The following JCAD variants were observed in gnomAD, a reference collection of about 807,000 sequenced individuals.
JCAD encodes junctional cadherin 5-associated protein.
In JCAD, 40 loss-of-function variants were observed where a neutral mutation model predicts 98.0. The observed-to-expected ratio is 0.41, with a 90% CI of 0.32 to 0.53. The LOEUF (loss-of-function observed/expected upper bound fraction) is 0.53, where lower values mean the gene tolerates loss of function less well. JCAD is among the 20% of genes least tolerant of loss of function. The pLI, the probability that JCAD is intolerant of heterozygous loss-of-function variation, is 0.31. For missense variants in JCAD, 1,705 were observed against 1,738.1 expected, an observed-to-expected ratio of 0.98 and a Z score of 0.34; for synonymous variants, 691 against 682.3, an observed-to-expected ratio of 1.01 and a Z score of -0.20.
intron 1 of JCAD, among the ~76,000 whole-genome samples, chr10:30,048,573 T>C: frequency 7.6e-6 from 1 of 131,676 alleles, no homozygotes; most frequent in Middle Eastern, 3.5e-3. Flanking sequence ...ATGAAAGTCT[T>C]TTTTTTTTTG....
intron 2 of JCAD, among the ~76,000 whole-genome samples, 185 bp downstream of exon 2, chr10:30,047,347 C>T (rs1455927067): frequency 1.3e-5 from 2 of 152,182 alleles, no homozygotes; most frequent in Non-Finnish European, 2.9e-5. Flanking sequence ...CCAGCCTGGA[C>T]GACAGAGCAA....
intron 1 of JCAD, among the ~76,000 whole-genome samples, chr10:30,089,153 A>T (rs973318992): frequency 2.0e-5 from 3 of 152,064 alleles, no homozygotes; most frequent in African/African-American, 7.2e-5. Context: ...CTGGGGGTGG[A>T]GGCTGTACCA....
intron 1 of JCAD, among the ~76,000 whole-genome samples, chr10:30,082,020 G>A (rs987214143): frequency 1.3e-5 from 2 of 152,154 alleles, no homozygotes; most frequent in Admixed American, 6.5e-5. Flanking sequence ...CTCATTTGCT[G>A]ATATTTAAAC....
At chr10:30,084,820 TC>T (rs1838142099) in intron 1 of JCAD, among the ~76,000 whole-genome samples, 1 of 151,912 alleles carries the variant, frequency 6.6e-6, no homozygotes, top group South Asian at 2.1e-4. Context: ...TATCTATCTA[TC>T]TATCTATCTG....
chr10:30,055,856 A>G (rs927467229), intron 1 of JCAD, among the ~76,000 whole-genome samples: 1 of 152,222 alleles, frequency 6.6e-6, no homozygotes, highest in African/African-American at 2.4e-5. Context: ...AGTCCCCAAC[A>G]TTATGCACTG....
rs947705495 is a variant in JCAD, at chr10:30,028,597, T to C, written c.1551A>G (p.Arg517=). Residue 517 remains arginine (R), a synonymous_variant, in exon 3 of 4, where the codon AGA becomes AGG. Coordinates refer to ENST00000375377, the MANE Select transcript of JCAD (RefSeq NM_020848.4). ...DGENSGLPNQ[R]DRCVARGQWP... ...ACTGTCCCCTTGCCACACAGCGGTC[T>C]CTCTGGTTGGGGAGGCCACTGTTTT... is the stretch of plus-strand genomic sequence containing the variant. 2.5e-6 allele frequency: 4 copies of C among 1,613,456 alleles called. No homozygotes were observed. The highest frequency in any genetic ancestry group is 3.4e-6 in the Non-Finnish European group (4 of 1,179,696).
chr10:30,065,966 C>A (rs1363011709), intron 2 of JCAD, among the ~76,000 whole-genome samples: 1 of 152,154 alleles, frequency 6.6e-6, no homozygotes, highest in Admixed American at 6.5e-5. Context: ...CCTTTGAGAT[C>A]CTGGAATGTG....
intron 1 of JCAD, among the ~76,000 whole-genome samples, chr10:30,093,750 C>T (rs1479032847): frequency 1.3e-5 from 2 of 152,216 alleles, no homozygotes; most frequent in African/African-American, 4.8e-5. Flanking sequence ...CAAGTATTTG[C>T]AGATCCAAGT....
upstream of JCAD, among the ~76,000 whole-genome samples, chr10:30,063,901 G>A (rs1009094388): frequency 9.2e-5 from 14 of 151,906 alleles, no homozygotes; most frequent in African/African-American, 3.4e-4. Flanking sequence ...TCCGCGTCAG[G>A]GTTCATGCAA....
chr10:30,081,800 A>C (rs1425807097), intron 1 of JCAD, among the ~76,000 whole-genome samples: 2 of 152,198 alleles, frequency 1.3e-5, no homozygotes, highest in African/African-American at 4.8e-5. Flanking sequence ...CCTAGAAAAG[A>C]AAACTGTGTC....
intron 3 of JCAD, among the ~76,000 whole-genome samples, chr10:30,018,186 C>T (rs547154031): frequency 5.3e-5 from 8 of 152,134 alleles, no homozygotes; most frequent in African/African-American, 9.7e-5. Flanking sequence ...TCCTGTTCAC[C>T]GTGGAATATA....
At chr10:30,019,531 C>T (rs539067382) in intron 3 of JCAD, among the ~76,000 whole-genome samples, 25 of 143,570 alleles carry the variant, frequency 1.7e-4, no homozygotes, top group Admixed American at 1.5e-3. Flanking sequence ...TGCATGATCT[C>T]ACCTATATGT....
At chr10:30,038,699 A>AG (rs1217672069) in intron 2 of JCAD, among the ~76,000 whole-genome samples, 2 of 146,464 alleles carry the variant, frequency 1.4e-5, no homozygotes, top group African/African-American at 2.7e-5. Context: ...AAAAAAAAAA[A>AG]AAAAAAGAAA....
intron 1 of JCAD, among the ~76,000 whole-genome samples, chr10:30,088,033 G>A (rs1838194112): frequency 1.3e-5 from 2 of 152,220 alleles, no homozygotes; most frequent in Admixed American, 1.3e-4. Context: ...TAGAGACAGG[G>A]TTTCACTGTG....
intron 1 of JCAD, among the ~76,000 whole-genome samples, chr10:30,100,649 G>T (rs919182933): frequency 3.3e-5 from 5 of 152,184 alleles, no homozygotes; most frequent in Non-Finnish European, 7.3e-5. Context: ...CTCCCAAAGT[G>T]CTGGGATTAC....
chr10:30,080,125 T>G (rs984267277), intron 1 of JCAD, among the ~76,000 whole-genome samples: 1 of 152,184 alleles, frequency 6.6e-6, no homozygotes, highest in Admixed American at 6.5e-5. Context: ...TTTTGTTGAA[T>G]AGTCAGTGAG....
rs770068935 is a variant in JCAD at position 30,026,636 on chromosome 10, T to C, written c.3512A>G (p.Gln1171Arg). Residue 1171 changes from glutamine (Q) to arginine (R), a missense_variant, in exon 3 of 4, where the codon CAG (glutamine) becomes CGG (arginine). Around this residue, in one of 3 missense-constraint regions of JCAD, gnomAD observed 1,278 missense variants for 1,243.1 expected, o/e 1.03. Transcript: ENST00000375377. Reference sequence around the variant, plus strand: ...GTCCACATCTGAGTGCTCAAAAGCCTGAGGAGCCCGCCTGGCACTGTCCCT... The same window carrying C: ...GTCCACATCTGAGTGCTCAAAAGCCCGAGGAGCCCGCCTGGCACTGTCCCT... ...GDRDSARRAP[Q>R]AFEHSDVDGV... 10 of 1,613,210 alleles carry C rather than the reference T, an allele frequency of 6.2e-6. No individual in the cohort carries two copies. In the South Asian group the frequency reaches 8.8e-5, roughly 14 times the overall value.
At chr10:30,092,125 T>TATATA (rs1427852641) in intron 1 of JCAD, among the ~76,000 whole-genome samples, 2 of 104,928 alleles carry the variant, frequency 1.9e-5, no homozygotes, top group Non-Finnish European at 3.5e-5. Flanking sequence ...TATATATATA[T>TATATA]AAAAAACATT....
At position 30,026,829 on chromosome 10, in the gene JCAD, C is replaced by T. The variant is rs1480456735; in HGVS notation, c.3319G>A (p.Gly1107Arg). The T allele has an allele frequency of 6.2e-7, 1 of 1,613,910 alleles. No homozygotes were observed. Among genetic ancestry groups the T allele is most frequent in the South Asian group, 1.1e-5 (1 of 91,088 alleles). ...ESLLPGIRRA[G>R]QNQPAEPDAS... ...TCGGGCTCAGCAGGCTGGTTCTGTC[C>T]CGCTCTCCGGATGCCCGGCAGGAGG... Residue 1107 changes from glycine to arginine, a missense_variant, in exon 3 of 4, where the codon GGA becomes AGA. Physicochemically the swap from Gly to Arg is moderately radical, Grantham distance 125. Coordinates refer to ENST00000375377, the MANE Select transcript of JCAD (RefSeq NM_020848.4).
Sources: allele counts gnomAD v4.1 joint callset (sites outside exome capture counted in the v4.1 genomes callset), GRCh38; gene constraint gnomAD v4.1.1; regional missense constraint gnomAD v4.1.1; transcripts MANE v1.5; gene names NCBI Gene and HGNC (gene_info 2026-07-23, HGNC 2026-07-21).